The following C8A variants were observed in gnomAD, a reference collection of about 807,000 sequenced individuals.
C8A encodes the protein complement C8 alpha chain.
A neutral mutation model predicts 65.3 loss-of-function variants in C8A; 67 were observed. The ratio of observed to expected loss-of-function variants is 1.03; its 90% CI spans 0.84 to 1.26. C8A has a LOEUF of 1.26. C8A is among the 50% of genes most tolerant of loss of function. The probability of loss-of-function intolerance (pLI) is 0.00; values close to 1 mark genes in which losing one functional copy is unlikely to be tolerated. For missense variants in C8A, 781 were observed against 723.9 expected (o/e 1.08, Z -0.90); for synonymous variants, 290 against 259.4 (o/e 1.12, Z -1.13).
Position 56,881,533 on chromosome 1 carries a change from T to TGGA in C8A, c.556_558dup (p.Arg186dup). The TGGA allele has an allele frequency of 6.2e-7, 1 of 1,613,730 alleles. No individual in the cohort carries two copies. The highest frequency in any genetic ancestry group is 1.7e-5 in the Admixed American group (1 of 59,978). On this transcript the variant is annotated inframe_insertion, in exon 5 of 11. Transcript: ENST00000361249. ...GTGTGAGACGGTATACAATGGGGAA[T>TGGA]GGAGGGAGCTTCGATATGACTCCAC...
chr1:56,855,430 C>T (rs1339675926), intron 1 of C8A, among the ~76,000 whole-genome samples: 1 of 152,102 alleles, frequency 6.6e-6, no homozygotes, highest in Non-Finnish European at 1.5e-5. Flanking sequence ...AGAGTGCTGT[C>T]TCATAGTTTT....
At chr1:56,875,891 G>T (rs936049489) in intron 3 of C8A, among the ~76,000 whole-genome samples, 171 bp from the exon 4 acceptor site, 1 of 152,164 alleles carries the variant, frequency 6.6e-6, no homozygotes, top group African/African-American at 2.4e-5. Flanking sequence ...CAAGCTGGGA[G>T]GCTGCAGACA....
intron 1 of C8A, among the ~76,000 whole-genome samples, chr1:56,857,022 G>A (rs1643983551): frequency 6.6e-6 from 1 of 151,980 alleles, no homozygotes; most frequent in South Asian, 2.1e-4. Flanking sequence ...TTGCTTAGAA[G>A]TTTTAATTGC....
At position 56,886,182 on chromosome 1, in the gene C8A, A is replaced by G. The variant is rs766120150; in HGVS notation, c.1096+15A>G. 3.1e-6 allele frequency: 5 copies of G among 1,613,472 alleles called. No individual in the cohort carries two copies. Among genetic ancestry groups the G allele is most frequent in the Non-Finnish European group, 4.2e-6 (5 of 1,179,876 alleles). Reference sequence around the variant, plus strand: ...GGAATCCCTTGGTAAGTAAAGCAGAAGCTCTATGTACACAGTAGTCAACAC... The same window carrying G: ...GGAATCCCTTGGTAAGTAAAGCAGAGGCTCTATGTACACAGTAGTCAACAC... On this transcript the variant is annotated intron_variant, in intron 7 of 10. Transcript: ENST00000361249.
At chr1:56,910,762 C>A (rs1248966304) in intron 9 of C8A, among the ~76,000 whole-genome samples, 2 of 152,216 alleles carry the variant, frequency 1.3e-5, no homozygotes, top group Non-Finnish European at 2.9e-5. Flanking sequence ...TGCCACAGGT[C>A]TTTCTGTACA....
intron 9 of C8A, among the ~76,000 whole-genome samples, chr1:56,911,491 T>C (rs1196974453): frequency 1.3e-5 from 2 of 152,220 alleles, no homozygotes; most frequent in Non-Finnish European, 2.9e-5. Flanking sequence ...TTGTGCTTCA[T>C]CTACTACTTC....
intron 7 of C8A, among the ~76,000 whole-genome samples, chr1:56,893,068 T>G (rs1644360469): frequency 6.6e-6 from 1 of 152,096 alleles, no homozygotes; most frequent in African/African-American, 2.4e-5. Flanking sequence ...TGGCAGGCAG[T>G]GTGATAGTGG....
intron 1 of C8A, among the ~76,000 whole-genome samples, chr1:56,856,472 C>G (rs1643976542): frequency 6.6e-6 from 1 of 152,186 alleles, no homozygotes; most frequent in South Asian, 2.1e-4. Flanking sequence ...TTTCCATTCC[C>G]TTGATGGTTG....
intron 2 of C8A, among the ~76,000 whole-genome samples, chr1:56,874,708 A>G (rs1885002): frequency 0.16 from 23,916 of 152,148 alleles, 2,184 homozygotes; most frequent in East Asian, 0.35. Flanking sequence ...CCCTAGAAAT[A>G]TCTTGTCCAG....
In C8A at chr1:56,885,575, T is replaced by G. The variant is rs565821004; in HGVS notation, c.856-352T>G. Among the ~76,000 whole-genome samples the G allele has an allele frequency of 1.1e-4, 16 of 148,898 alleles. No homozygotes were observed. The East Asian group carries it at 2.5e-3, about 24-fold the overall frequency. On this transcript the variant is annotated intron_variant, in intron 6 of 10. Coordinates refer to ENST00000361249, the MANE Select transcript of C8A (RefSeq NM_000562.3). ...TTTTTGTTTTTTTTTGTTTGTTTTT[T>G]TTTTTGAGGCGGAGTCTTGCTCTAT... is the stretch of plus-strand genomic sequence containing the variant.
chr1:56,903,385 C>G (rs992418833), intron 7 of C8A, among the ~76,000 whole-genome samples: 1 of 152,120 alleles, frequency 6.6e-6, no homozygotes, highest in Non-Finnish European at 1.5e-5. Context: ...TTTGCTTCCC[C>G]TTCTTCCATG....
chr1:56,866,167 T>C (rs1052011459), intron 1 of C8A, among the ~76,000 whole-genome samples: 2 of 152,216 alleles, frequency 1.3e-5, no homozygotes, highest in African/African-American at 4.8e-5. Context: ...CTTTTCTTCA[T>C]AGATTTCAAC....
At chr1:56,860,892 G>C (rs1429807280) in intron 1 of C8A, among the ~76,000 whole-genome samples, 1 of 152,240 alleles carries the variant, frequency 6.6e-6, no homozygotes, top group Non-Finnish European at 1.5e-5. Flanking sequence ...CAGGAAGAGA[G>C]TGAGGAGGAA....
chr1:56,901,376 C>T (rs1487139876), intron 7 of C8A, among the ~76,000 whole-genome samples: 1 of 152,144 alleles, frequency 6.6e-6, no homozygotes, highest in East Asian at 1.9e-4. Context: ...TGTTCTGGCA[C>T]CTTGGAAATC....
chr1:56,907,918 G>A, intron 8 of C8A, 38 bp from the exon 9 acceptor site: 1 of 1,613,084 alleles, frequency 6.2e-7, no homozygotes, highest in African/African-American at 1.3e-5. Flanking sequence ...TGGGCTTTTT[G>A]GGAAATGAGT....
At chr1:56,872,202 C>T (rs889815005) in intron 2 of C8A, among the ~76,000 whole-genome samples, 6 of 152,196 alleles carry the variant, frequency 3.9e-5, no homozygotes, top group Non-Finnish European at 5.9e-5. Flanking sequence ...CAACCTCATT[C>T]TCAATGAAGT....
chr1:56,881,609 A>T lies in C8A; in HGVS notation c.629A>T (p.Tyr210Phe), dbSNP rs1481271471. The change falls in exon 5 of 11, where the codon TAC (tyrosine) becomes TTC (phenylalanine). Residue 210 changes from tyrosine (Y) to phenylalanine (F), a missense_variant. Coordinates refer to ENST00000361249, the MANE Select transcript of C8A (RefSeq NM_000562.3). The part of the protein sequence containing the change: ...GDDEKYFRKP[Y>F]NFLKYHFEAL... ...GATGAGAAATACTTTCGGAAACCCT[A>T]CAACTTTCTGAAGTACCACTTTGAA... 2 of 1,613,446 alleles carry T rather than the reference A, an allele frequency of 1.2e-6. No homozygotes were observed. Among genetic ancestry groups the T allele is most frequent in the Non-Finnish European group, 1.7e-6 (2 of 1,179,722 alleles).
intron 9 of C8A, among the ~76,000 whole-genome samples, chr1:56,910,073 GAAGA>G (rs1644494286): frequency 6.6e-6 from 1 of 152,202 alleles, no homozygotes; most frequent in African/African-American, 2.4e-5. Context: ...GTGATTTGAA[GAAGA>G]GAGAGATTAC....
intron 1 of C8A, among the ~76,000 whole-genome samples, chr1:56,860,971 G>A (rs1644028161): frequency 6.6e-6 from 1 of 152,208 alleles, no homozygotes; most frequent in South Asian, 2.1e-4. Context: ...CTGCATCTTA[G>A]TCAGTTTTGT....
Sources: gnomAD v4.1 joint callset for allele counts (sites outside exome capture counted in the v4.1 genomes callset) on GRCh38, gnomAD v4.1.1 for gene constraint, MANE v1.5 for transcripts, NCBI Gene and HGNC (gene_info 2026-07-23, HGNC 2026-07-21) for gene names.